LINC00632: variants seen among roughly 807,000 people sequenced by gnomAD.
LINC00632 encodes long independently transcribed non-coding RNA 632, also known as ALDOA related specific transcript.
At chrX:140,749,924 G>T (rs749614735) in intron 3 of LINC00632, among the ~76,000 whole-genome samples, 1 of 110,590 alleles carries the variant, frequency 9.0e-6, no homozygotes, top group South Asian at 3.9e-4. Context: ...AAACTCCTGG[G>T]CGCAAGTGAT....
intron 3 of LINC00632, among the ~76,000 whole-genome samples, chrX:140,759,328 C>T (rs1181095307): frequency 2.7e-5 from 2 of 74,265 alleles, no homozygotes; most frequent in African/African-American, 4.8e-5. Flanking sequence ...TTCCTTCCTT[C>T]CTTCCTTCCT....
intron 2 of LINC00632, among the ~76,000 whole-genome samples, chrX:140,716,683 C>T (rs747701383): frequency 1.2e-4 from 13 of 108,873 alleles, no homozygotes; most frequent in Non-Finnish European, 2.5e-4. Flanking sequence ...CAAATTTGTG[C>T]ACAGGCTTGC....
intron 2 of LINC00632, among the ~76,000 whole-genome samples, chrX:140,730,107 C>T (rs5907618): frequency 0.24 from 26,121 of 109,775 alleles, 3,018 homozygotes; most frequent in Non-Finnish European, 0.35. Flanking sequence ...CATCTCTTGA[C>T]CTAGTGATCC....
intron 3 of LINC00632, among the ~76,000 whole-genome samples, chrX:140,755,582 G>A (rs1457173780): frequency 8.9e-6 from 1 of 112,165 alleles, no homozygotes; most frequent in Non-Finnish European, 1.9e-5. Context: ...CAGAACAGAA[G>A]CTAAAGAAAT....
At chrX:140,723,780 CCATACACACATA>C (rs1347929356) in intron 2 of LINC00632, among the ~76,000 whole-genome samples, 2 of 926 alleles carry the variant, frequency 2.2e-3, no homozygotes, top group East Asian at 0.05. Context: ...CACACACATT[CCATACACACATA>C]CATACACACA....
intron 2 of LINC00632, among the ~76,000 whole-genome samples, chrX:140,727,890 A>G (rs1004931839): frequency 8.9e-6 from 1 of 111,927 alleles, no homozygotes; most frequent in African/African-American, 3.2e-5. Flanking sequence ...TGAGAAGAAG[A>G]GATCCCAAAT....
chrX:140,766,274 C>A (rs1013564434), intron 3 of LINC00632, among the ~76,000 whole-genome samples: 2 of 111,645 alleles, frequency 1.8e-5, no homozygotes, highest in African/African-American at 6.5e-5. Context: ...ATTTTCAGAG[C>A]TATTTAAAAA....
At chrX:140,723,072 C>T (rs754713423) in intron 2 of LINC00632, among the ~76,000 whole-genome samples, 7 of 107,340 alleles carry the variant, frequency 6.5e-5, no homozygotes, top group African/African-American at 2.4e-4. Flanking sequence ...AAGAAAAAAA[C>T]TTCATGACAC....
chrX:140,759,782 G>C (rs940590588), intron 3 of LINC00632, among the ~76,000 whole-genome samples: 3 of 111,491 alleles, frequency 2.7e-5, no homozygotes, highest in African/African-American at 9.8e-5. Context: ...CTAGGTGACA[G>C]GACCATGGAG....
At chrX:140,766,731 A>G (rs1407600314) in intron 3 of LINC00632, among the ~76,000 whole-genome samples, 1 of 112,325 alleles carries the variant, frequency 8.9e-6, no homozygotes, top group Non-Finnish European at 1.9e-5. Context: ...ATAATTAATT[A>G]TCATAAATGA....
At chrX:140,718,732 G>A (rs1027689915) in intron 2 of LINC00632, among the ~76,000 whole-genome samples, 4 of 111,590 alleles carry the variant, frequency 3.6e-5, no homozygotes, top group African/African-American at 1.3e-4. Flanking sequence ...ATTCCGTAAC[G>A]CCTAGAAGCA....
intron 2 of LINC00632, among the ~76,000 whole-genome samples, chrX:140,721,321 C>T (rs1013482679): frequency 6.3e-5 from 7 of 111,567 alleles, no homozygotes; most frequent in African/African-American, 1.3e-4. Flanking sequence ...CACCAGAGCA[C>T]GCCTTACAGC....
intron 3 of LINC00632, among the ~76,000 whole-genome samples, chrX:140,752,307 C>A (rs1306054842): frequency 8.9e-6 from 1 of 111,757 alleles, no homozygotes; most frequent in Non-Finnish European, 1.9e-5. Context: ...GGAGAGGGAA[C>A]AAAGCCCCTA....
At chrX:140,717,524 G>A (rs758986816) in intron 2 of LINC00632, among the ~76,000 whole-genome samples, 43 of 110,673 alleles carry the variant, frequency 3.9e-4, no homozygotes, top group Non-Finnish European at 7.0e-4. Context: ...CCCATAACAT[G>A]CAGACTTGCA....
chrX:140,780,292 T>G (rs1189214578), exon 5 of LINC00632, among the ~76,000 whole-genome samples: 1 of 111,541 alleles, frequency 9.0e-6, no homozygotes, highest in Non-Finnish European at 1.9e-5. Flanking sequence ...GATACTTAAT[T>G]TCCCTCAAAT....
exon 4 of LINC00632, among the ~76,000 whole-genome samples, chrX:140,773,740 TGTGTTCAAGTCATC>T (rs1931838480): frequency 8.9e-6 from 1 of 112,082 alleles, no homozygotes; most frequent in African/African-American, 3.2e-5. Context: ...TGCTGCTCCT[TGTGTTCAAGTCATC>T]TCCATTACCC....
intron 3 of LINC00632, among the ~76,000 whole-genome samples, chrX:140,753,974 C>T (rs1931453872): frequency 9.0e-6 from 1 of 110,683 alleles, no homozygotes; most frequent in Admixed American, 9.6e-5. Context: ...TGGGGTTTCA[C>T]CATGTTGGCC....
chrX:140,786,533 C>G (rs1339202520), exon 5 of LINC00632, among the ~76,000 whole-genome samples: 1 of 111,498 alleles, frequency 9.0e-6, no homozygotes, highest in South Asian at 3.7e-4. Flanking sequence ...AATCTGAGTG[C>G]TAACAATAGC....
intron 3 of LINC00632, among the ~76,000 whole-genome samples, chrX:140,736,381 C>T (rs1407175263): frequency 9.3e-6 from 1 of 107,242 alleles, no homozygotes; most frequent in Non-Finnish European, 1.9e-5. Context: ...TTTTTCAAAT[C>T]CATAAACTTC....
Sources: gnomAD v4.1 joint callset for allele counts (sites outside exome capture counted in the v4.1 genomes callset) on GRCh38, gnomAD v4.1.1 for gene constraint, MANE v1.5 for transcripts, NCBI Gene and HGNC (gene_info 2026-07-23, HGNC 2026-07-21) for gene names.